Variants in MYO9A observed in about 807,000 individuals in gnomAD.
MYO9A encodes the protein unconventional myosin-IXa.
In MYO9A, 103 loss-of-function variants were observed where a neutral mutation model predicts 293.3. That is an observed-to-expected ratio of 0.35 (90% CI 0.30 to 0.41). The LOEUF (loss-of-function observed/expected upper bound fraction) is 0.41. MYO9A is among the 10% of genes least tolerant of loss of function. MYO9A has a pLI of 1.00. For synonymous variants in MYO9A, 1,001 were observed against 1,035.7 expected, an observed-to-expected ratio of 0.97 and a Z score of 0.64; for missense variants, 2,685 against 3,033.0, an observed-to-expected ratio of 0.89 and a Z score of 2.69.
intron 4 of MYO9A, among the ~76,000 whole-genome samples, chr15:72,026,045 G>A (rs544854565): frequency 9.9e-5 from 15 of 151,904 alleles, no homozygotes; most frequent in South Asian, 2.1e-4. Flanking sequence ...AGGCTGAGGC[G>A]GGCAGATCAC....
At chr15:71,879,898 C>T (rs2056821397) in intron 29 of MYO9A, 61 bp from the exon 30 acceptor site, 1 of 1,124,656 alleles carries the variant, frequency 8.9e-7, no homozygotes, top group Non-Finnish European at 1.3e-6. Context: ...GTAAATACAA[C>T]AGTAGGCATG....
intron 5 of MYO9A, among the ~76,000 whole-genome samples, chr15:72,019,352 T>C (rs773132686): frequency 6.6e-6 from 1 of 152,160 alleles, no homozygotes; most frequent in Non-Finnish European, 1.5e-5. Flanking sequence ...AATATTGACA[T>C]TATGACAGGA....
intron 1 of MYO9A, among the ~76,000 whole-genome samples, chr15:72,094,597 T>G (rs7169334): frequency 0.21 from 19,117 of 91,420 alleles, 5,783 homozygotes; most frequent in African/African-American, 0.46. Context: ...CACTGCAGCC[T>G]CATATTCCTG....
intron 7 of MYO9A, 37 bp downstream of exon 7, chr15:72,010,313 T>C (rs770528180): frequency 6.5e-7 from 1 of 1,540,920 alleles, no homozygotes; most frequent in Non-Finnish European, 9.0e-7. Context: ...TCATGTGTTC[T>C]CTATTAGAGA....
chr15:71,891,763 G>A (rs1244957289), intron 26 of MYO9A: 1 of 151,928 alleles, frequency 6.6e-6, no homozygotes, highest in Non-Finnish European at 1.5e-5. Context: ...TGTTGTTTTT[G>A]CCTTCATAAA....
intron 1 of MYO9A, among the ~76,000 whole-genome samples, chr15:72,071,624 C>G: frequency 6.6e-6 from 1 of 151,716 alleles, no homozygotes; most frequent in East Asian, 1.9e-4. Flanking sequence ...GGCTGTAATC[C>G]CCGGTTACAG....
chr15:71,894,769 C>A (rs932095650), intron 25 of MYO9A, among the ~76,000 whole-genome samples: 1 of 152,158 alleles, frequency 6.6e-6, no homozygotes, highest in African/African-American at 2.4e-5. Context: ...AAATTCTGGG[C>A]AGAAATAGAT....
intron 13 of MYO9A, among the ~76,000 whole-genome samples, chr15:71,962,407 T>C (rs1326500271): frequency 6.6e-6 from 1 of 152,216 alleles, no homozygotes; most frequent in Non-Finnish European, 1.5e-5. Flanking sequence ...TTCTTCTTTA[T>C]TCTCCTGAGA....
In MYO9A at chr15:71,826,075, T is replaced by G. The variant is rs1325056887; in HGVS notation, c.*505A>C. 2.8e-5 allele frequency: 4 copies of G among 143,988 alleles called. No homozygotes were observed. Among genetic ancestry groups the G allele is most frequent in the Non-Finnish European group, 4.5e-5 (3 of 66,868 alleles). The allele number at this position is 143,988 out of a possible 1,614,324, so 8.9% of individuals were successfully genotyped here. ...GAGTGTTTTTTCAGAAATCTTAAAA[T>G]AGAGGGATTAGGCTTTTTGTTTGTA... On this transcript the variant is annotated 3_prime_UTR_variant, in exon 42 of 42. Coordinates refer to ENST00000356056, the MANE Select transcript of MYO9A (RefSeq NM_006901.4).
intron 19 of MYO9A, among the ~76,000 whole-genome samples, chr15:71,906,832 C>T (rs1422463288): frequency 3.7e-5 from 5 of 136,900 alleles, no homozygotes; most frequent in Non-Finnish European, 7.7e-5. Flanking sequence ...GGCACGATCT[C>T]GGCCTACTGC....
chr15:72,010,248 T>C lies in MYO9A; in HGVS notation c.1253+102A>G, dbSNP rs947076671. On this transcript the variant is annotated intron_variant, in intron 7 of 41. Coordinates refer to ENST00000356056, the MANE Select transcript of MYO9A (RefSeq NM_006901.4). ...GATGGATGAGGTACTAGATGAAGAA[T>C]ACCACTTAGAAAACTATTTAAAAAG... The C allele has an allele frequency of 9.3e-5, 79 of 847,872 alleles. 1 individual carries two copies. The highest frequency in any genetic ancestry group is 5.1e-4 in the Admixed American group (23 of 44,726). The allele number at this position is 847,872 out of a possible 1,614,324, so 52.5% of individuals were successfully genotyped here.
At chr15:72,010,518 A>G in intron 6 of MYO9A, 71 bp from the exon 7 acceptor site, 1 of 1,355,714 alleles carries the variant, frequency 7.4e-7, no homozygotes, top group Non-Finnish European at 1.0e-6. Flanking sequence ...ATTCAGAAAT[A>G]TGGTAATTTA....
chr15:71,961,194 C>T (rs1044224925), intron 13 of MYO9A, among the ~76,000 whole-genome samples: 1 of 152,054 alleles, frequency 6.6e-6, no homozygotes, highest in Non-Finnish European at 1.5e-5. Flanking sequence ...TCAGTTGTAA[C>T]AGCAGAAATA....
rs763925725 is a variant in MYO9A at position 71,968,104 on chromosome 15, T to C, written c.1866A>G (p.Gln622=). The part of the protein sequence containing the change: ...EESNFPQATN[Q]TLLDKFKHQH... ...GATGCTTAAACTTGTCTAGCAATGT[T>C]TGATTTGTAGCCTGTGGAAAGCTGA... The change falls in exon 13 of 42, where the codon CAA becomes CAG. Residue 622 remains glutamine (Q), a synonymous_variant. Transcript: ENST00000356056. 2 of 1,600,810 alleles carry C rather than the reference T, an allele frequency of 1.2e-6. No homozygotes were observed. Among genetic ancestry groups the C allele is most frequent in the Non-Finnish European group, 1.7e-6 (2 of 1,174,056 alleles).
At chr15:71,941,077 T>TA (rs911944552) in intron 15 of MYO9A, among the ~76,000 whole-genome samples, 3 of 152,136 alleles carry the variant, frequency 2.0e-5, no homozygotes, top group African/African-American at 7.2e-5. Context: ...ACTAAACACT[T>TA]ATGATGGATC....
intron 9 of MYO9A, among the ~76,000 whole-genome samples, chr15:71,996,322 C>T (rs1002489965): frequency 1.3e-5 from 2 of 152,086 alleles, no homozygotes; most frequent in Non-Finnish European, 2.9e-5. Context: ...AAGATAAAAA[C>T]TAAAGTCTAA....
chr15:71,934,966 T>C (rs1028002543), intron 17 of MYO9A, among the ~76,000 whole-genome samples: 1 of 151,912 alleles, frequency 6.6e-6, no homozygotes, highest in African/African-American at 2.4e-5. Flanking sequence ...CCTAATTTGT[T>C]AAGATTGCTA....
chr15:72,000,185 T>C (rs960246372), intron 8 of MYO9A, among the ~76,000 whole-genome samples: 4 of 152,344 alleles, frequency 2.6e-5, no homozygotes, highest in African/African-American at 4.8e-5. Flanking sequence ...ACATGTTTCA[T>C]TGTGCAGAAT....
At position 71,854,521 on chromosome 15, in the gene MYO9A, A is replaced by G. The variant is rs1399230887; in HGVS notation, c.6202T>C (p.Leu2068=). The G allele has an allele frequency of 1.2e-6, 2 of 1,611,706 alleles. No homozygotes were observed. Among genetic ancestry groups the G allele is most frequent in the Non-Finnish European group, 1.7e-6 (2 of 1,179,014 alleles). Residue 2068 remains leucine, a synonymous_variant, in exon 35 of 42, where the codon TTG becomes CTG. Coordinates refer to ENST00000356056, the MANE Select transcript of MYO9A (RefSeq NM_006901.4). ...SRQFGVELSR[L]TSEDRTVPLV... ...GGAACAGTTCGGTCTTCACTGGTCAAACGGGACAGTTCAACCCCAAATTGT... is the reference window on the plus strand; with the variant it reads ...GGAACAGTTCGGTCTTCACTGGTCAGACGGGACAGTTCAACCCCAAATTGT...
Sources: gnomAD v4.1 joint callset for allele counts (sites outside exome capture counted in the v4.1 genomes callset) on GRCh38, gnomAD v4.1.1 for gene constraint, MANE v1.5 for transcripts, NCBI Gene and HGNC (gene_info 2026-07-23, HGNC 2026-07-21) for gene names.